EPB42: variants seen among roughly 807,000 people sequenced by gnomAD.
EPB42 encodes the protein protein 4.2.
Under a neutral mutation model 76.9 loss-of-function variants are expected in EPB42, and 49 were observed. That is an observed-to-expected ratio of 0.64 (90% CI 0.51 to 0.81). The LOEUF (loss-of-function observed/expected upper bound fraction) is 0.81. EPB42 is among the 30% of genes least tolerant of loss of function. The pLI, the probability that EPB42 is intolerant of heterozygous loss-of-function variation, is 0.00. For synonymous variants in EPB42, 310 were observed against 338.4 expected, an observed-to-expected ratio of 0.92 and a Z score of 0.92; for missense variants, 731 against 867.6, an observed-to-expected ratio of 0.84 and a Z score of 1.98.
upstream of EPB42, among the ~76,000 whole-genome samples, chr15:43,225,096 T>C (rs924590154): frequency 2.0e-5 from 3 of 152,220 alleles, no homozygotes; most frequent in African/African-American, 7.2e-5. Context: ...TTAAGTGGAA[T>C]AAGCAAGGTA....
At chr15:43,207,849 CT>C (rs905219823) in intron 8 of EPB42, among the ~76,000 whole-genome samples, 8 of 152,154 alleles carry the variant, frequency 5.3e-5, no homozygotes, top group African/African-American at 1.9e-4. Context: ...GGTCCTGAAG[CT>C]TCCTTTTCTG....
upstream of EPB42, among the ~76,000 whole-genome samples, chr15:43,223,593 C>T (rs976368195): frequency 5.3e-5 from 8 of 152,086 alleles, no homozygotes; most frequent in Non-Finnish European, 1.0e-4. Context: ...ATTAGATTGG[C>T]AAAGATAAAA....
intron 7 of EPB42, 121 bp downstream of exon 7, chr15:43,208,516 G>A: frequency 6.6e-7 from 1 of 1,525,480 alleles, no homozygotes; most frequent in Non-Finnish European, 9.1e-7. Context: ...CCGCCTCTAA[G>A]GGTCTTGAAA....
chr15:43,216,491 C>T (rs372180179), intron 1 of EPB42, 38 bp from the exon 2 acceptor site: 2 of 1,602,792 alleles, frequency 1.2e-6, no homozygotes. Flanking sequence ...AAACTAAGTA[C>T]ATGTGACAAT....
At chr15:43,211,226 A>G (rs1481162813) in intron 4 of EPB42, among the ~76,000 whole-genome samples, 190 bp downstream of exon 4, 1 of 152,070 alleles carries the variant, frequency 6.6e-6, no homozygotes, top group Non-Finnish European at 1.5e-5. Flanking sequence ...TTTAAGGAAA[A>G]TAATTCTGGG....
intron 10 of EPB42, among the ~76,000 whole-genome samples, chr15:43,204,971 C>CT (rs962877925): frequency 1.4e-5 from 2 of 144,598 alleles, no homozygotes; most frequent in Admixed American, 6.8e-5. Context: ...TCCGCCCCCC[C>CT]CCCAAAAAAA....
intron 10 of EPB42, among the ~76,000 whole-genome samples, chr15:43,203,626 G>A (rs181091108): frequency 9.2e-5 from 14 of 152,216 alleles, no homozygotes; most frequent in Admixed American, 7.9e-4. Flanking sequence ...TTAGAGACAG[G>A]GTCTCGCTTT....
chr15:43,216,244 G>C, intron 2 of EPB42, 24 bp downstream of exon 2: 8 of 1,612,754 alleles, frequency 5.0e-6, no homozygotes, highest in Non-Finnish European at 5.9e-6. Context: ...TGCTGCCAAA[G>C]GAGTCTAGGC....
chr15:43,211,391 C>A (rs970764659), intron 4 of EPB42, 25 bp downstream of exon 4: 2 of 1,414,960 alleles, frequency 1.4e-6, no homozygotes, highest in Non-Finnish European at 1.0e-6. Flanking sequence ...ACTCTACACA[C>A]TCCTCCCCTA....
At chr15:43,208,900 C>A in intron 6 of EPB42, 125 bp from the exon 7 acceptor site, 1 of 1,165,238 alleles carries the variant, frequency 8.6e-7, no homozygotes, top group Non-Finnish European at 1.2e-6. Flanking sequence ...AGTGCAGGAA[C>A]CTAGAAGTGG....
chr15:43,206,197 T>C lies in EPB42; in HGVS notation c.1618+133A>G, dbSNP rs543531548. On this transcript the variant is annotated intron_variant, in intron 10 of 12. Transcript: ENST00000441366. This position sits in a 1 kb window ranked among gnomAD's most constrained non-coding sequence, Gnocchi z 4.7. ...TTGAATGAATGAATGAGAGAGAACA[T>C]GAGAGTGAGCAGCAGGGGCTCAAAG... The C allele has an allele frequency of 5.6e-5, 51 of 911,864 alleles. 1 individual carries two copies. In the East Asian group the frequency reaches 1.3e-3, roughly 24 times the overall value. The allele number at this position is 911,864 out of a possible 1,614,324, so 56.5% of individuals were successfully genotyped here. A position where few individuals can be genotyped will look rare whatever the true frequency, so the allele number is the denominator to read the frequency against.
chr15:43,209,204 T>G lies in EPB42; in HGVS notation c.832+70A>C, dbSNP rs1340845409. On this transcript the variant is annotated intron_variant, in intron 6 of 12. Transcript: ENST00000441366. Reference sequence around the variant, plus strand: ...GAGGCAGCACCTGCTTTTGGAGATGTCCTTCCCACATGGGAGGCCAGGGAA... The same window carrying G: ...GAGGCAGCACCTGCTTTTGGAGATGGCCTTCCCACATGGGAGGCCAGGGAA... The G allele has an allele frequency of 3.2e-6, 5 of 1,575,086 alleles. No individual in the cohort carries two copies. The Admixed American group carries it at 8.4e-5, about 26-fold the overall frequency.
rs187693595 is a variant in EPB42 at position 43,220,572 on chromosome 15, C to T, written c.10+244G>A. The stretch of plus-strand genomic sequence containing the variant: ...GCAACATCACCATCACCTCCGCCTC[C>T]GCCTCCACCAGCACCCATCATCACA... On this transcript the variant is annotated intron_variant, in intron 1 of 12. Coordinates refer to ENST00000441366, the MANE Select transcript of EPB42 (RefSeq NM_001114134.2). 9.9e-4 allele frequency among the ~76,000 whole-genome samples: 150 copies of T among 152,120 alleles called. 1 individual carries two copies. The highest frequency in any genetic ancestry group is 2.1e-3 in the Admixed American group (32 of 15,276).
At position 43,208,685 on chromosome 15, in the gene EPB42, T is replaced by C. The variant is rs778870883; in HGVS notation, c.923A>G (p.Tyr308Cys). 3.1e-6 allele frequency: 5 copies of C among 1,614,024 alleles called. No individual in the cohort carries two copies. In the South Asian group the frequency reaches 3.3e-5, roughly 11 times the overall value. ...TCCGTTCTGAAGTCCCTCCTCATTA[T>C]AGTATTCATCTATGAGAAGACGCCC... ...TGGRLLIDEY[Y>C]NEEGLQNGEG... The change falls in exon 7 of 13, where the codon TAT (tyrosine) becomes TGT (cysteine). Residue 308 changes from tyrosine to cysteine, a missense_variant. Transcript: ENST00000441366.
intron 12 of EPB42, among the ~76,000 whole-genome samples, chr15:43,201,621 C>T (rs952498777): frequency 5.9e-5 from 9 of 152,186 alleles, no homozygotes; most frequent in African/African-American, 1.4e-4. Flanking sequence ...CCAGGGCAGG[C>T]GGGTGCCCAA....
intron 3 of EPB42, among the ~76,000 whole-genome samples, chr15:43,213,944 G>A (rs1271502894): frequency 1.3e-5 from 2 of 152,144 alleles, no homozygotes; most frequent in South Asian, 2.1e-4. Flanking sequence ...CAGGAGCTGC[G>A]GGCCAGACAT....
rs187968207 is a variant in EPB42, at chr15:43,211,302, A to C, written c.549+114T>G. The C allele has an allele frequency of 3.8e-6, 3 of 791,064 alleles. No individual in the cohort carries two copies. In the African/African-American group the frequency reaches 5.1e-5, roughly 13 times the overall value. The allele number at this position is 791,064 out of a possible 1,614,324, so 49.0% of individuals were successfully genotyped here. ...AGGCACCACAAAGCTGAAATGGGCT[A>C]AAGAAATGGTCTCATGACCAGGGGT... On this transcript the variant is annotated intron_variant, in intron 4 of 12. Coordinates refer to ENST00000441366, the MANE Select transcript of EPB42 (RefSeq NM_001114134.2).
chr15:43,216,218 G>T (rs1272353394), intron 2 of EPB42, 50 bp downstream of exon 2: 16 of 1,605,650 alleles, frequency 1.0e-5, no homozygotes, highest in Non-Finnish European at 1.4e-5. Context: ...GGAGAGAACA[G>T]AGAACCCCCC....
intron 3 of EPB42, among the ~76,000 whole-genome samples, chr15:43,212,758 G>A (rs1265018029): frequency 6.6e-6 from 1 of 152,184 alleles, no homozygotes; most frequent in Admixed American, 6.5e-5. Context: ...ATCATGAGGA[G>A]GGTGGGCGAC....
Sources: gnomAD v4.1 joint callset for allele counts (sites outside exome capture counted in the v4.1 genomes callset) on GRCh38, gnomAD v4.1.1 for gene constraint, Gnocchi (gnomAD v3.1) non-coding constraint, MANE v1.5 for transcripts, NCBI Gene and HGNC (gene_info 2026-07-23, HGNC 2026-07-21) for gene names.